Variants in DIP2B observed in about 807,000 individuals in gnomAD.
DIP2B encodes disco-interacting protein 2 homolog B.
Under a neutral mutation model 198.0 loss-of-function variants are expected in DIP2B, and 76 were observed. That is an observed-to-expected ratio of 0.38 (90% CI 0.32 to 0.46). DIP2B has a LOEUF of 0.46. Among genes scored for constraint, DIP2B ranks in the 20% least tolerant of loss-of-function variants. DIP2B has a pLI of 0.99. For missense variants in DIP2B, 1,559 were observed against 1,978.4 expected, an observed-to-expected ratio of 0.79 and a Z score of 4.02; for synonymous variants, 701 against 739.1, an observed-to-expected ratio of 0.95 and a Z score of 0.84.
At chr12:50,617,665 C>T (rs925421360) in intron 1 of DIP2B, among the ~76,000 whole-genome samples, 9 of 151,974 alleles carry the variant, frequency 5.9e-5, no homozygotes, top group South Asian at 2.1e-4. Flanking sequence ...AAAAATTACC[C>T]GGCAGTGGTG....
At chr12:50,742,431 G>A (rs1380376672) in intron 37 of DIP2B, among the ~76,000 whole-genome samples, 1 of 101,978 alleles carries the variant, frequency 9.8e-6, no homozygotes. Context: ...AACCACCTCT[G>A]TAGTGTTTAC....
At chr12:50,657,543 A>G (rs1010367090) in intron 3 of DIP2B, among the ~76,000 whole-genome samples, 3 of 151,890 alleles carry the variant, frequency 2.0e-5, no homozygotes, top group Non-Finnish European at 4.4e-5. Flanking sequence ...ATCCCAGTGC[A>G]GCATTTTGGG....
chr12:50,736,302 G>T (rs1272492098), intron 34 of DIP2B, among the ~76,000 whole-genome samples: 1 of 152,156 alleles, frequency 6.6e-6, no homozygotes, highest in Non-Finnish European at 1.5e-5. Context: ...GCCCACCCTG[G>T]ACTAAGGGAA....
At chr12:50,728,815 C>CTG in intron 30 of DIP2B, 137 bp downstream of exon 30, 1 of 1,210,088 alleles carries the variant, frequency 8.3e-7, no homozygotes, top group Non-Finnish European at 1.1e-6. Context: ...TATGGATCTA[C>CTG]TGTGTCTCTG....
At chr12:50,592,334 C>T (rs543079381) in intron 1 of DIP2B, among the ~76,000 whole-genome samples, 1 of 152,196 alleles carries the variant, frequency 6.6e-6, no homozygotes, top group East Asian at 1.9e-4. Context: ...GCCACCATGT[C>T]TGGCTAATTT....
chr12:50,715,042 A>G (rs1428498753), intron 23 of DIP2B, among the ~76,000 whole-genome samples: 1 of 152,244 alleles, frequency 6.6e-6, no homozygotes, highest in African/African-American at 2.4e-5. Flanking sequence ...TGTGTTTGTT[A>G]GGACTAGTCT....
intron 22 of DIP2B, among the ~76,000 whole-genome samples, chr12:50,710,201 T>C (rs2139572129): frequency 6.6e-6 from 1 of 152,320 alleles, no homozygotes; most frequent in African/African-American, 2.4e-5. Flanking sequence ...GCCCGGTAGC[T>C]ATGCTAGCGA....
intron 1 of DIP2B, among the ~76,000 whole-genome samples, chr12:50,616,637 G>A (rs1430898739): frequency 6.6e-6 from 1 of 152,166 alleles, no homozygotes; most frequent in Non-Finnish European, 1.5e-5. Context: ...AAGAGAAATA[G>A]GGGAAGACAG....
At chr12:50,621,506 AATTC>A (rs1937810704) in intron 1 of DIP2B, among the ~76,000 whole-genome samples, 1 of 152,112 alleles carries the variant, frequency 6.6e-6, no homozygotes. Flanking sequence ...CCATTTTATT[AATTC>A]ATTCAGTCAC....
intron 14 of DIP2B, among the ~76,000 whole-genome samples, chr12:50,693,447 A>G (rs1448520650): frequency 2.0e-4 from 31 of 152,190 alleles, no homozygotes; most frequent in Admixed American, 1.9e-3. Flanking sequence ...CAAAACTACT[A>G]TATGTAACAT....
At position 50,708,486 on chromosome 12, in the gene DIP2B, G is replaced by A. The variant is rs887930523; in HGVS notation, c.2573G>A (p.Arg858His). 4.4e-6 allele frequency: 7 copies of A among 1,607,512 alleles called. No individual in the cohort carries two copies. Among genetic ancestry groups the A allele is most frequent in the South Asian group, 3.3e-5 (3 of 89,654 alleles). The change falls in exon 22 of 38, where the codon CGC (arginine) becomes CAC (histidine). Residue 858 changes from arginine (R) to histidine (H), a missense_variant. By Grantham distance (29) the Arg-to-His change is conservative. Transcript: ENST00000301180. Reference protein sequence around the residue: ...VFSVSVFYDERIVVVAEQRPD... With the variant: ...VFSVSVFYDEHIVVVAEQRPD... The stretch of plus-strand genomic sequence containing the variant: ...TCTGTGTCTGTATTTTATGATGAGC[G>A]CATTGTGGTGGTTGCGGAACAAAGA...
At position 50,612,162 on chromosome 12, in the gene DIP2B, C is replaced by T. The variant is rs557974761; in HGVS notation, c.101-13814C>T. Among the ~76,000 whole-genome samples, 16 of 152,240 alleles carry T rather than the reference C, an allele frequency of 1.1e-4. No individual in the cohort carries two copies. In the South Asian group the frequency reaches 3.1e-3, roughly 30 times the overall value. On this transcript the variant is annotated intron_variant, in intron 1 of 37. Transcript: ENST00000301180. The stretch of plus-strand genomic sequence containing the variant: ...CCTGTAGTCCCAGCTCCTCAGAAGG[C>T]TGAGATGGGAATGGGTCAAGGCTGC...
chr12:50,557,958 G>A (rs1339342758), intron 1 of DIP2B, among the ~76,000 whole-genome samples: 1 of 151,996 alleles, frequency 6.6e-6, no homozygotes, highest in African/African-American at 2.4e-5. Flanking sequence ...ATTAGCCTAT[G>A]TAACAGAGAG....
chr12:50,624,401 C>T (rs1440316144), intron 1 of DIP2B, among the ~76,000 whole-genome samples: 2 of 152,122 alleles, frequency 1.3e-5, no homozygotes, highest in East Asian at 1.9e-4. Flanking sequence ...GGCGCGATCT[C>T]GGCTCACTGC....
intron 20 of DIP2B, among the ~76,000 whole-genome samples, chr12:50,705,356 C>T (rs1939495663): frequency 6.6e-6 from 1 of 152,198 alleles, no homozygotes; most frequent in African/African-American, 2.4e-5. Flanking sequence ...GACTTTTTCA[C>T]TTAGCACCAG....
At chr12:50,714,247 A>G (rs1939671721) in intron 22 of DIP2B, 148 bp from the exon 23 acceptor site, 2 of 744,042 alleles carry the variant, frequency 2.7e-6, no homozygotes, top group Admixed American at 2.7e-5. Context: ...AAATCTCTAG[A>G]TATATGGAAT....
intron 4 of DIP2B, among the ~76,000 whole-genome samples, chr12:50,661,914 T>C (rs1273390123): frequency 1.3e-5 from 2 of 152,214 alleles, no homozygotes; most frequent in Non-Finnish European, 2.9e-5. Context: ...AGCAAAGACC[T>C]TGAGAATGCT....
At position 50,680,627 on chromosome 12, in the gene DIP2B, T is replaced by G. The variant is rs781550262; in HGVS notation, c.1115-45T>G. ...ATGTTCTTTCATTGAGGTAGACCTG[T>G]TTTTTTTTCTATATGACTGTTGTTT... On this transcript the variant is annotated intron_variant, in intron 8 of 37. Coordinates refer to ENST00000301180, the MANE Select transcript of DIP2B (RefSeq NM_173602.3). 67 of 1,555,844 alleles carry G rather than the reference T, an allele frequency of 4.3e-5. No homozygotes were observed. In the African/African-American group the frequency reaches 8.1e-4, roughly 19 times the overall value.
chr12:50,652,594 A>G (rs1938476671), intron 3 of DIP2B, among the ~76,000 whole-genome samples: 1 of 152,012 alleles, frequency 6.6e-6, no homozygotes. Context: ...TATTTTGGCT[A>G]TTTGGAATCT....
Sources: gnomAD v4.1 joint callset for allele counts (sites outside exome capture counted in the v4.1 genomes callset) on GRCh38, gnomAD v4.1.1 for gene constraint, MANE v1.5 for transcripts, NCBI Gene and HGNC (gene_info 2026-07-23, HGNC 2026-07-21) for gene names.